Variants in CA10 observed in about 807,000 individuals in gnomAD.
CA10 encodes carbonic anhydrase 10 (inactive).
In CA10, 14 loss-of-function variants were observed where a neutral mutation model predicts 44.2. The observed-to-expected ratio is 0.32, with a 90% CI of 0.21 to 0.50. CA10 has a LOEUF of 0.50. CA10 is among the 20% of genes least tolerant of loss of function. The pLI, the probability that CA10 is intolerant of heterozygous loss-of-function variation, is 0.99. For missense variants in CA10, 350 were observed against 409.7 expected (o/e 0.85, Z 1.26); for synonymous variants, 159 against 141.6 (o/e 1.12, Z -0.87).
rs55932655 is a variant in CA10, at chr17:51,717,829, GTATATATA to G, written c.465+29796_465+29803del. 4.8e-3 allele frequency among the ~76,000 whole-genome samples: 38 copies of G among 7,916 alleles called. 7 individuals are homozygous for G. Among genetic ancestry groups the G allele is most frequent in the Admixed American group, 7.4e-3 (2 of 270 alleles). 5.2% of individuals were successfully genotyped at this position (7,916 alleles called of 152,430 possible). A position where few individuals can be genotyped will look rare whatever the true frequency, so the allele number is the denominator to read the frequency against. ...TATATACACGTATATATATGTGTGT[GTATATATA>G]TATATATATATATATATATATATAT... On this transcript the variant is annotated intron_variant, in intron 4 of 8. Coordinates refer to ENST00000451037, the MANE Select transcript of CA10 (RefSeq NM_020178.5).
chr17:52,044,038 G>C (rs1043793865), intron 2 of CA10, among the ~76,000 whole-genome samples: 3 of 152,060 alleles, frequency 2.0e-5, no homozygotes, highest in African/African-American at 7.2e-5. Context: ...GTTCTTATTT[G>C]GCTTTGATAT....
chr17:51,732,703 G>A (rs1018473255), intron 4 of CA10, among the ~76,000 whole-genome samples: 9 of 152,084 alleles, frequency 5.9e-5, no homozygotes, highest in East Asian at 1.9e-4. Flanking sequence ...AGATCCTCTC[G>A]GGGAAAACCA....
intron 4 of CA10, among the ~76,000 whole-genome samples, chr17:51,718,476 GAGAGGGCAC>G (rs1305743154): frequency 6.6e-6 from 1 of 152,078 alleles, no homozygotes; most frequent in Non-Finnish European, 1.5e-5. Context: ...AGTGGGCTTG[GAGAGGGCAC>G]AGAAGCTCCT....
At chr17:51,918,358 A>ATC (rs1254051546) in intron 3 of CA10, among the ~76,000 whole-genome samples, 1 of 152,226 alleles carries the variant, frequency 6.6e-6, no homozygotes, top group Non-Finnish European at 1.5e-5. Context: ...ATTGAGAAAA[A>ATC]TCTCTGCTCC....
At chr17:52,103,170 A>G (rs1344195223) in intron 1 of CA10, among the ~76,000 whole-genome samples, 2 of 152,220 alleles carry the variant, frequency 1.3e-5, no homozygotes. Flanking sequence ...TTGTAAAACC[A>G]TCTTCCCTGG....
intron 4 of CA10, among the ~76,000 whole-genome samples, chr17:51,720,399 G>A (rs149689669): frequency 6.6e-6 from 1 of 152,138 alleles, no homozygotes; most frequent in Admixed American, 6.6e-5. Context: ...TTAAGGTGGG[G>A]ACCCTAGATA....
intron 3 of CA10, among the ~76,000 whole-genome samples, chr17:51,877,791 A>AT (rs940161385): frequency 6.6e-6 from 1 of 152,046 alleles, no homozygotes; most frequent in African/African-American, 2.4e-5. Flanking sequence ...ACTTTTTCAC[A>AT]TTTTTTGTCT....
intron 2 of CA10, among the ~76,000 whole-genome samples, chr17:52,008,273 A>G (rs1346345445): frequency 6.6e-6 from 1 of 151,858 alleles, no homozygotes. Context: ...TTAAGATTTG[A>G]CTATACTCCA....
At chr17:51,841,116 T>C (rs1327848023) in intron 3 of CA10, among the ~76,000 whole-genome samples, 1 of 152,148 alleles carries the variant, frequency 6.6e-6, no homozygotes, top group Non-Finnish European at 1.5e-5. Flanking sequence ...TCCCTTTTGT[T>C]TACCCATAAG....
At chr17:51,822,793 G>A (rs1907862517) in intron 3 of CA10, among the ~76,000 whole-genome samples, 1 of 152,192 alleles carries the variant, frequency 6.6e-6, no homozygotes, top group Non-Finnish European at 1.5e-5. Flanking sequence ...GTGTTAGGCA[G>A]GCAGAAAAGG....
intron 3 of CA10, among the ~76,000 whole-genome samples, chr17:51,859,014 T>C (rs1045103499): frequency 2.0e-5 from 3 of 152,108 alleles, no homozygotes; most frequent in African/African-American, 4.8e-5. Context: ...AAATGAGATA[T>C]ACAAAGCATC....
intron 5 of CA10, 55 bp from the exon 6 acceptor site, chr17:51,649,309 TC>T: frequency 8.0e-7 from 1 of 1,251,944 alleles, no homozygotes; most frequent in Non-Finnish European, 1.2e-6. Flanking sequence ...AGGACAAACA[TC>T]TCCCCGTGAC....
chr17:51,926,752 G>A (rs1469054707), intron 3 of CA10, among the ~76,000 whole-genome samples: 1 of 152,140 alleles, frequency 6.6e-6, no homozygotes, highest in East Asian at 1.9e-4. Context: ...CAAGGGGTTT[G>A]CCTGGATAGT....
chr17:51,727,015 G>A (rs1236570796), intron 4 of CA10, among the ~76,000 whole-genome samples: 1 of 152,204 alleles, frequency 6.6e-6, no homozygotes, highest in African/African-American at 2.4e-5. Context: ...TCATGGGTGT[G>A]TGATGCATGT....
chr17:51,749,652 T>A (rs982272682), intron 3 of CA10, among the ~76,000 whole-genome samples: 1 of 152,228 alleles, frequency 6.6e-6, no homozygotes, highest in Non-Finnish European at 1.5e-5. Context: ...TCAGTCATCT[T>A]CTTTCTCCTG....
intron 2 of CA10, among the ~76,000 whole-genome samples, chr17:52,007,676 A>G (rs1305883761): frequency 1.3e-5 from 2 of 151,562 alleles, no homozygotes; most frequent in East Asian, 3.9e-4. Flanking sequence ...ATGATCACAC[A>G]TGAGAATAGC....
At chr17:52,157,579 T>G (rs987494588) in intron 1 of CA10, 147 bp downstream of exon 1, 1 of 605,284 alleles carries the variant, frequency 1.7e-6, no homozygotes, top group Admixed American at 2.8e-5. Flanking sequence ...CTGAGAAGAT[T>G]TTTGATTCTG....
intron 3 of CA10, among the ~76,000 whole-genome samples, chr17:51,851,008 C>T (rs1284507293): frequency 6.6e-6 from 1 of 152,176 alleles, no homozygotes; most frequent in Non-Finnish European, 1.5e-5. Flanking sequence ...ACCATTTCTG[C>T]AGACCGCGCT....
At chr17:52,084,366 C>G (rs1355568978) in intron 1 of CA10, among the ~76,000 whole-genome samples, 1 of 152,228 alleles carries the variant, frequency 6.6e-6, no homozygotes, top group Non-Finnish European at 1.5e-5. Flanking sequence ...CTGATCCACA[C>G]AGCATTTGCT....
Sources: allele counts gnomAD v4.1 joint callset (sites outside exome capture counted in the v4.1 genomes callset), GRCh38; gene constraint gnomAD v4.1.1; transcripts MANE v1.5; gene names NCBI Gene and HGNC (gene_info 2026-07-23, HGNC 2026-07-21).